The following C7orf57 variants were observed in gnomAD, a reference collection of about 807,000 sequenced individuals.
The protein encoded by C7orf57 is uncharacterized protein C7orf57.
A neutral mutation model predicts 39.0 loss-of-function variants in C7orf57; 33 were observed. The ratio of observed to expected loss-of-function variants is 0.85; its 90% CI spans 0.64 to 1.13. C7orf57 has a LOEUF of 1.13. C7orf57 is among the 50% of genes most tolerant of loss of function. The pLI, the probability that C7orf57 is intolerant of heterozygous loss-of-function variation, is 0.00. For synonymous variants in C7orf57, 124 were observed against 137.1 expected (o/e 0.90, Z 0.67); for missense variants, 346 against 362.3 (o/e 0.95, Z 0.37).
At chr7:48,049,293 T>G (rs1790806434) in intron 5 of C7orf57, among the ~76,000 whole-genome samples, 1 of 152,232 alleles carries the variant, frequency 6.6e-6, no homozygotes, top group Non-Finnish European at 1.5e-5. Context: ...TCTTTAATTC[T>G]TACACTTCCT....
chr7:48,060,441 GT>G lies in C7orf57; in HGVS notation c.*174del. The G allele has an allele frequency of 2.1e-6, 1 of 482,178 alleles. No individual in the cohort carries two copies. The highest frequency in any genetic ancestry group is 3.8e-6 in the Non-Finnish European group (1 of 263,494). 29.9% of individuals were successfully genotyped at this position (482,178 alleles called of 1,614,324 possible). A position where few individuals can be genotyped will look rare whatever the true frequency, so the allele number is the denominator to read the frequency against. On this transcript the variant is annotated 3_prime_UTR_variant, in exon 9 of 9. Coordinates refer to ENST00000348904, the MANE Select transcript of C7orf57 (RefSeq NM_001100159.3). ...TGCTGCATAGAAGGGGCAGGTGTTG[GT>G]TTTTGTTTCTTGCATTTCTCTGGGA...
intron 8 of C7orf57, among the ~76,000 whole-genome samples, chr7:48,057,841 T>A (rs928330560): frequency 6.6e-6 from 1 of 152,198 alleles, no homozygotes; most frequent in African/African-American, 2.4e-5. Context: ...GATGTTGAAC[T>A]TTGTCAAGCA....
At position 48,050,044 on chromosome 7, in the gene C7orf57, G is replaced by A. The variant is rs546814246; in HGVS notation, c.605+67G>A. The A allele has an allele frequency of 2.2e-4, 230 of 1,025,938 alleles. 4 individuals are homozygous for A. In the South Asian group the frequency reaches 2.9e-3, roughly 13 times the overall value. The allele number at this position is 1,025,938 out of a possible 1,614,324, so 63.6% of individuals were successfully genotyped here. ...GGGTTTGGCCTTCCGTCTTTCATCC[G>A]GTGATGACTGCGCTAGTGACAGCAT... On this transcript the variant is annotated intron_variant, in intron 6 of 8. Transcript: ENST00000348904.
At chr7:48,056,255 T>C (rs1464354511) in intron 8 of C7orf57, among the ~76,000 whole-genome samples, 2 of 152,222 alleles carry the variant, frequency 1.3e-5, no homozygotes, top group Non-Finnish European at 2.9e-5. Flanking sequence ...GCCATTTGCA[T>C]GTCTTCTTTT....
intron 3 of C7orf57, 155 bp downstream of exon 3, chr7:48,041,674 C>G: frequency 1.9e-6 from 1 of 533,876 alleles, no homozygotes; most frequent in East Asian, 3.3e-5. Context: ...TAGGGATGAG[C>G]ATGATCTCCA....
chr7:48,049,813 T>C, intron 5 of C7orf57, 67 bp from the exon 6 acceptor site: 1 of 1,184,086 alleles, frequency 8.4e-7, no homozygotes, highest in South Asian at 1.3e-5. Flanking sequence ...CTACCATTAG[T>C]GAGTTTTCTT....
intron 6 of C7orf57, among the ~76,000 whole-genome samples, chr7:48,051,825 T>TCTCTTCTCTTCTCTTCTCTTC (rs1425297074): frequency 7.0e-5 from 2 of 28,538 alleles, no homozygotes; most frequent in South Asian, 1.9e-3. Flanking sequence ...TTCTCTTTCT[T>TCTCTTCTCTTCTCTTCTCTTC]TCTTTCTTTC....
chr7:48,036,132 G>A (rs1364344117), intron 1 of C7orf57, 76 bp from the exon 2 acceptor site: 2 of 679,854 alleles, frequency 2.9e-6, no homozygotes, highest in Non-Finnish European at 5.3e-6. Context: ...CTAGGCGATC[G>A]TAAGGCGCCT....
intron 8 of C7orf57, 126 bp downstream of exon 8, chr7:48,054,732 A>G: frequency 2.7e-6 from 2 of 735,474 alleles, no homozygotes; most frequent in Non-Finnish European, 4.5e-6. Flanking sequence ...TCCAAACTGC[A>G]TGCATTCTGA....
chr7:48,051,825 T>TC (rs1425297074), intron 6 of C7orf57, among the ~76,000 whole-genome samples: 376 of 28,128 alleles, frequency 0.013, 7 homozygotes, highest in African/African-American at 0.02. Flanking sequence ...TTCTCTTTCT[T>TC]TCTTTCTTTC....
chr7:48,055,020 G>C (rs912079150), intron 8 of C7orf57, among the ~76,000 whole-genome samples: 15 of 151,972 alleles, frequency 9.9e-5, no homozygotes, highest in Non-Finnish European at 1.2e-4. Flanking sequence ...GGGACTACAG[G>C]CGCCCGCCAC....
At chr7:48,059,828 T>G (rs1275249025) in intron 8 of C7orf57, among the ~76,000 whole-genome samples, 6 of 152,172 alleles carry the variant, frequency 3.9e-5, no homozygotes, top group Non-Finnish European at 8.8e-5. Flanking sequence ...GCAACAGGCT[T>G]GGGAGCAGGG....
At chr7:48,041,622 A>G (rs1790555688) in intron 3 of C7orf57, 103 bp downstream of exon 3, 1 of 1,002,458 alleles carries the variant, frequency 1.0e-6, no homozygotes, top group African/African-American at 1.6e-5. Flanking sequence ...CAGAGTCTGT[A>G]TGTTTAGCTT....
At chr7:48,037,195 G>A (rs540384586) in intron 2 of C7orf57, among the ~76,000 whole-genome samples, 35 of 152,208 alleles carry the variant, frequency 2.3e-4, no homozygotes, top group African/African-American at 7.9e-4. Context: ...AGAAGGCCTG[G>A]CTGATTTGCC....
chr7:48,041,544 G>C, intron 3 of C7orf57, 25 bp downstream of exon 3: 1 of 1,538,166 alleles, frequency 6.5e-7, no homozygotes, highest in Non-Finnish European at 8.8e-7. Flanking sequence ...GCCCTGTTCA[G>C]TGTGGCAGCC....
Position 48,061,237 on chromosome 7 carries a change from A to G in C7orf57, c.*965A>G, listed in dbSNP as rs1273745533. Reference sequence around the variant, plus strand: ...AAACTGATATGCTACAGGAGAATGTATGCAATGTGTAAAAAATGCAAATGG... The same window carrying G: ...AAACTGATATGCTACAGGAGAATGTGTGCAATGTGTAAAAAATGCAAATGG... On this transcript the variant is annotated 3_prime_UTR_variant, in exon 9 of 9. Coordinates refer to ENST00000348904, the MANE Select transcript of C7orf57 (RefSeq NM_001100159.3). The G allele has an allele frequency of 6.6e-6, 1 of 152,184 alleles. No individual in the cohort carries two copies. 9.4% of individuals were successfully genotyped at this position (152,184 alleles called of 1,614,324 possible).
At chr7:48,051,655 CCTTCCTTT>C (rs1012769856) in intron 6 of C7orf57, among the ~76,000 whole-genome samples, 24 of 144,336 alleles carry the variant, frequency 1.7e-4, no homozygotes, top group East Asian at 6.1e-4. Context: ...TCCCTTCCTC[CCTTCCTTT>C]CTTCCTTTCT....
chr7:48,052,260 G>C (rs995876636), intron 6 of C7orf57, among the ~76,000 whole-genome samples: 1 of 152,134 alleles, frequency 6.6e-6, no homozygotes, highest in Non-Finnish European at 1.5e-5. Context: ...CGTGAGCCAC[G>C]GCACCCAGCA....
intron 5 of C7orf57, among the ~76,000 whole-genome samples, chr7:48,048,802 G>A (rs113990387): frequency 1.3e-5 from 2 of 151,884 alleles, no homozygotes; most frequent in African/African-American, 4.8e-5. Context: ...CTTCTGGACA[G>A]TGCAGGAACA....
Sources: allele counts gnomAD v4.1 joint callset (sites outside exome capture counted in the v4.1 genomes callset), GRCh38; gene constraint gnomAD v4.1.1; transcripts MANE v1.5; gene names NCBI Gene and HGNC (gene_info 2026-07-23, HGNC 2026-07-21).